Variants in DECR2 observed in about 807,000 individuals in gnomAD.
DECR2 encodes peroxisomal 2,4-dienoyl-CoA reductase [(3E)-enoyl-CoA-producing].
In DECR2, 34 loss-of-function variants were observed where a neutral mutation model predicts 29.2. The observed-to-expected ratio is 1.16, with a 90% confidence interval of 0.89 to 1.55. DECR2 has a LOEUF of 1.55. DECR2 is among the 40% of genes most tolerant of loss of function. The probability of loss-of-function intolerance (pLI) is 0.00; values close to 1 mark genes in which losing one functional copy is unlikely to be tolerated. For synonymous variants in DECR2, 224 were observed against 182.7 expected (o/e 1.23, Z -1.82); for missense variants, 485 against 425.3 (o/e 1.14, Z -1.23).
At chr16:408,936 A>G (rs2141814424) in intron 4 of DECR2, among the ~76,000 whole-genome samples, 1 of 151,382 alleles carries the variant, frequency 6.6e-6, no homozygotes, top group Non-Finnish European at 1.5e-5. Context: ...GGTTCAAGCA[A>G]TTCTCCCGTC....
Position 410,397 on chromosome 16 carries a change from T to C in DECR2, c.462+30T>C, listed in dbSNP as rs550183591. On this transcript the variant is annotated intron_variant, in intron 5 of 8. Coordinates refer to ENST00000219481, the MANE Select transcript of DECR2 (RefSeq NM_020664.4). This position sits in a 1 kb window ranked among gnomAD's most constrained non-coding sequence, Gnocchi z 4.1. ...GTGCCTCGTGCGCTCTGTGAGAAGT[T>C]CTTCCGGGTGGGTGCCTCGTGCGCT... The C allele has an allele frequency of 1.3e-6, 2 of 1,593,368 alleles. No individual in the cohort carries two copies.
At chr16:405,790 G>C in intron 2 of DECR2, 1 of 382,334 alleles carries the variant, frequency 2.6e-6, no homozygotes, top group Non-Finnish European at 5.3e-6. Flanking sequence ...CTGCTTCAGA[G>C]GGAGTGTGTA....
Position 411,380 on chromosome 16 carries a change from G to A in DECR2, c.681G>A (p.Leu227=). Residue 227 remains leucine, a synonymous_variant, in exon 8 of 9, where the codon CTG becomes CTA. Coordinates refer to ENST00000219481, the MANE Select transcript of DECR2 (RefSeq NM_020664.4). The part of the protein sequence containing the change: ...LRRLGGPQAS[L]STKVTASPLQ... ...CTCCAGGTGGCCCTCAGGCCAGCCT[G>A]AGCACCAAGGTCACTGCCAGCCCGC... 1 of 1,609,756 alleles carries A rather than the reference G, an allele frequency of 6.2e-7. No homozygotes were observed. The highest frequency in any genetic ancestry group is 1.1e-5 in the South Asian group (1 of 90,996).
In DECR2 at chr16:406,393, T is replaced by G. The variant is rs144582584; in HGVS notation, c.197T>G (p.Leu66Arg). The G allele has an allele frequency of 2.5e-6, 4 of 1,607,740 alleles. No individual in the cohort carries two copies. In the South Asian group the frequency reaches 4.4e-5, roughly 18 times the overall value. Reference sequence around the variant, plus strand: ...GCCAGTAGGAGCCTGCCGCGAGTGCTGACGGTGAGAGGGCCTCTCCCATGG... The same window carrying G: ...GCCAGTAGGAGCCTGCCGCGAGTGCGGACGGTGAGAGGGCCTCTCCCATGG... ...VIASRSLPRV[L>R]TAARKLAGAT... Residue 66 changes from leucine (L) to arginine (R), a missense_variant, in exon 3 of 9, where the codon CTG becomes CGG. Coordinates refer to ENST00000219481, the MANE Select transcript of DECR2 (RefSeq NM_020664.4).
chr16:406,294 C>CT, intron 2 of DECR2, 52 bp from the exon 3 acceptor site: 1 of 1,589,326 alleles, frequency 6.3e-7, no homozygotes, highest in Admixed American at 1.7e-5. Flanking sequence ...GGCAGATGCC[C>CT]CGGGAGTGCC....
chr16:411,300 G>C, intron 7 of DECR2, 61 bp from the exon 8 acceptor site: 1 of 1,499,196 alleles, frequency 6.7e-7, no homozygotes, highest in Non-Finnish European at 9.0e-7. Context: ...ATGAGCTGGG[G>C]GAGAGGGGAG....
rs1389339968 is a variant in DECR2 at position 411,536 on chromosome 16, C to T, written c.837C>T (p.Val279=). The change falls in exon 8 of 9, where the codon GTC becomes GTT. Residue 279 remains valine, a synonymous_variant. Transcript: ENST00000219481. Reference sequence around the variant, plus strand: ...CATGGTTGACGTTCCCAAACGGTGTCAAAGGGCTGCCGGATTTCGCATCCT... The same window carrying T: ...CATGGTTGACGTTCCCAAACGGTGTTAAAGGGCTGCCGGATTTCGCATCCT... ...GGAWLTFPNG[V]KGLPDFASFS... is the part of the protein sequence containing the mutation. The T allele has an allele frequency of 1.9e-6, 3 of 1,613,982 alleles. No homozygotes were observed. The highest frequency in any genetic ancestry group is 2.5e-6 in the Non-Finnish European group (3 of 1,179,928).
rs1037375874 is a variant in DECR2 at position 401,891 on chromosome 16, G to T, written c.-73G>T. 53 of 1,337,922 alleles carry T rather than the reference G, an allele frequency of 4.0e-5. No individual in the cohort carries two copies. The highest frequency in any genetic ancestry group is 5.2e-4 in the Middle Eastern group (2 of 3,814). The allele number at this position is 1,337,922 out of a possible 1,614,324, so 82.9% of individuals were successfully genotyped here. Reference sequence around the variant, plus strand: ...GGGGCTCCCGGTTCCAGGCGAGTTCGCAGCTGCGCGCCGGGTCCTGGAGGC... The same window carrying T: ...GGGGCTCCCGGTTCCAGGCGAGTTCTCAGCTGCGCGCCGGGTCCTGGAGGC... On this transcript the variant is annotated 5_prime_UTR_variant, in exon 1 of 9. Transcript: ENST00000219481.
intron 3 of DECR2, 101 bp downstream of exon 3, chr16:406,498 C>T: frequency 7.7e-7 from 1 of 1,300,072 alleles, no homozygotes; most frequent in Non-Finnish European, 1.1e-6. Context: ...ATGTTGGCAC[C>T]AAAACTTTTT....
intron 3 of DECR2, 24 bp downstream of exon 3, chr16:406,421 C>A (rs1291294779): frequency 6.2e-7 from 1 of 1,605,546 alleles, no homozygotes; most frequent in African/African-American, 1.3e-5. Context: ...TCCCATGGTC[C>A]CCTGTTCGGG....
chr16:406,444 G>C (rs762735229), intron 3 of DECR2, 47 bp downstream of exon 3: 13 of 1,588,364 alleles, frequency 8.2e-6, no homozygotes, highest in Non-Finnish European at 1.1e-5. Context: ...GCTGTGGGGG[G>C]GCTGGGGCTG....
intron 2 of DECR2, among the ~76,000 whole-genome samples, chr16:405,951 G>A (rs142521997): frequency 1.7e-4 from 26 of 152,328 alleles, no homozygotes; most frequent in Non-Finnish European, 1.0e-4. Context: ...TCGCATCCAC[G>A]TGGTCAGGAA....
In DECR2 at chr16:406,318, G is replaced by A. The variant is rs1028927271; in HGVS notation, c.150-28G>A. The stretch of plus-strand genomic sequence containing the variant: ...CCCGGGAGTGCCCCTCGCCCACACT[G>A]CCCTCACACCTGCTTCTGGTTTTGC... On this transcript the variant is annotated intron_variant, in intron 2 of 8. Transcript: ENST00000219481. 2.5e-6 allele frequency: 4 copies of A among 1,603,002 alleles called. No individual in the cohort carries two copies. The African/African-American group carries it at 5.3e-5, about 21-fold the overall frequency.
At chr16:408,200 T>C (rs2054763489) in intron 4 of DECR2, among the ~76,000 whole-genome samples, 1 of 136,634 alleles carries the variant, frequency 7.3e-6, no homozygotes, top group Admixed American at 7.2e-5. Flanking sequence ...TCCGGCCCCC[T>C]GTCTCCGGCC....
chr16:406,809 G>C (rs2054730285), intron 3 of DECR2: 1 of 619,348 alleles, frequency 1.6e-6, no homozygotes, highest in Non-Finnish European at 2.1e-6. Flanking sequence ...CGGCACCTCA[G>C]CCTCCCAAAG....
rs2054808003 is a variant in DECR2, at chr16:410,781, G to A, written c.553G>A (p.Val185Met). The A allele has an allele frequency of 6.3e-7, 1 of 1,593,288 alleles. No individual in the cohort carries two copies. Among genetic ancestry groups the A allele is most frequent in the Non-Finnish European group, 8.5e-7 (1 of 1,171,560 alleles). The change falls in exon 6 of 9, where the codon GTG becomes ATG. Residue 185 changes from valine (V) to methionine (M), a missense_variant. Val to Met is a conservative substitution (Grantham distance 21). Coordinates refer to ENST00000219481, the MANE Select transcript of DECR2 (RefSeq NM_020664.4). The surrounding 1 kb of genome is among the most constrained non-coding windows in gnomAD (Gnocchi z 4.1). ...QVHAGSAKAAVDAMTRHLAVE... is the reference protein window; with the variant it reads ...QVHAGSAKAAMDAMTRHLAVE... Reference sequence around the variant, plus strand: ...GCATGCAGGCTCCGCCAAGGCCGCTGTGGGTATGACCACCCCCCCCCGCCC... The same window carrying A: ...GCATGCAGGCTCCGCCAAGGCCGCTATGGGTATGACCACCCCCCCCCGCCC...
intron 3 of DECR2, 32 bp from the exon 4 acceptor site, chr16:407,393 G>A: frequency 6.3e-7 from 1 of 1,589,566 alleles, no homozygotes; most frequent in Non-Finnish European, 8.5e-7. Context: ...GAGGCTGCAG[G>A]GCTGCTGTCT....
chr16:410,660 C>T lies in DECR2; in HGVS notation c.463-31C>T, dbSNP rs772984866. On this transcript the variant is annotated intron_variant, in intron 5 of 8. Coordinates refer to ENST00000219481, the MANE Select transcript of DECR2 (RefSeq NM_020664.4). The surrounding 1 kb of genome is among the most constrained non-coding windows in gnomAD (Gnocchi z 4.1). ...CCTGTGACCTCCCCCGACACCCGCC[C>T]GCTCACTGCCCCGGGCCTTGTGTGT... 43 of 1,571,006 alleles carry T rather than the reference C, an allele frequency of 2.7e-5. No individual in the cohort carries two copies. Among genetic ancestry groups the T allele is most frequent in the African/African-American group, 1.2e-4 (9 of 74,208 alleles).
chr16:406,605 C>A, intron 3 of DECR2: 1 of 640,798 alleles, frequency 1.6e-6, no homozygotes, highest in South Asian at 1.9e-5. Flanking sequence ...TCAAGCGATT[C>A]TCCTGCCTCA....
Sources: gnomAD v4.1 joint callset for allele counts (sites outside exome capture counted in the v4.1 genomes callset) on GRCh38, gnomAD v4.1.1 for gene constraint, Gnocchi (gnomAD v3.1) non-coding constraint, MANE v1.5 for transcripts, NCBI Gene and HGNC (gene_info 2026-07-23, HGNC 2026-07-21) for gene names.